Variants in LRRC4C observed in about 807,000 individuals in gnomAD.
LRRC4C encodes leucine rich repeat containing 4C, also known as leucine-rich repeat-containing protein 4C.
A neutral mutation model predicts 33.6 loss-of-function variants in LRRC4C; 5 were observed. That is an observed-to-expected ratio of 0.15 (90% confidence interval 0.08 to 0.31). LRRC4C has a LOEUF of 0.31. LRRC4C is among the 10% of genes least tolerant of loss of function. The pLI is 1.00. For synonymous variants in LRRC4C, 329 were observed against 302.0 expected, an observed-to-expected ratio of 1.09 and a Z score of -0.93; for missense variants, 560 against 796.7, an observed-to-expected ratio of 0.70 and a Z score of 3.58.
intron 3 of LRRC4C, among the ~76,000 whole-genome samples, chr11:40,598,634 C>G (rs1959630367): frequency 6.6e-6 from 1 of 152,172 alleles, no homozygotes. Flanking sequence ...CAACACATAC[C>G]TTAGGAAGCC....
At chr11:41,104,081 A>T (rs945647193) in intron 1 of LRRC4C, among the ~76,000 whole-genome samples, 1 of 151,962 alleles carries the variant, frequency 6.6e-6, no homozygotes, top group South Asian at 2.1e-4. Context: ...ACATGAGCAC[A>T]TAAAATATGA....
At position 40,334,965 on chromosome 11, in the gene LRRC4C, T is replaced by C. The variant is rs138045121; in HGVS notation, c.-269-15244A>G. Among the ~76,000 whole-genome samples the C allele has an allele frequency of 5.3e-5, 8 of 152,326 alleles. No individual in the cohort carries two copies. The East Asian group carries it at 1.5e-3, about 29-fold the overall frequency. On this transcript the variant is annotated intron_variant, in intron 3 of 6. Coordinates refer to ENST00000528697, the MANE Select transcript of LRRC4C (RefSeq NM_001258419.2). ...TACTCATTGGAAACTTTTGTTCAGT[T>C]AATTAATCAATATCTGATTGTCACA...
At chr11:41,376,249 T>G (rs1952932756) in intron 1 of LRRC4C, among the ~76,000 whole-genome samples, 1 of 152,152 alleles carries the variant, frequency 6.6e-6, no homozygotes, top group African/African-American at 2.4e-5. Flanking sequence ...CAAGGGAGTG[T>G]GCTGAATAAG....
chr11:40,814,383 C>T (rs946219805), intron 2 of LRRC4C, among the ~76,000 whole-genome samples: 6 of 152,044 alleles, frequency 3.9e-5, no homozygotes, highest in East Asian at 1.9e-4. Context: ...ATGGCTGGGA[C>T]GCAGGGCACC....
At chr11:40,682,285 C>T (rs1246693976) in intron 2 of LRRC4C, among the ~76,000 whole-genome samples, 2 of 146,390 alleles carry the variant, frequency 1.4e-5, no homozygotes, top group East Asian at 4.0e-4. Context: ...AAAAAAAAAG[C>T]ATAAAAGTAA....
At chr11:40,207,291 C>T (rs982787196) in intron 5 of LRRC4C, among the ~76,000 whole-genome samples, 4 of 152,084 alleles carry the variant, frequency 2.6e-5, no homozygotes, top group Non-Finnish European at 1.5e-5. Flanking sequence ...GTGAATCGGA[C>T]ACAATTGTGC....
At chr11:40,823,616 T>C (rs1338919911) in intron 2 of LRRC4C, among the ~76,000 whole-genome samples, 1 of 151,784 alleles carries the variant, frequency 6.6e-6, no homozygotes, top group East Asian at 1.9e-4. Context: ...CTTTTATCAT[T>C]AGAGAAATGC....
chr11:40,134,922 T>C (rs560639696), intron 6 of LRRC4C, among the ~76,000 whole-genome samples: 93 of 152,248 alleles, frequency 6.1e-4, no homozygotes, highest in African/African-American at 2.1e-3. Context: ...TTCACCAAAA[T>C]GACCCACAAA....
intron 1 of LRRC4C, among the ~76,000 whole-genome samples, chr11:41,202,471 C>G (rs1390314462): frequency 3.9e-5 from 6 of 152,144 alleles, no homozygotes; most frequent in African/African-American, 9.7e-5. Context: ...TGAGTATTCT[C>G]TATATATCAG....
intron 2 of LRRC4C, among the ~76,000 whole-genome samples, chr11:40,752,162 A>C (rs1948720414): frequency 6.6e-6 from 1 of 152,106 alleles, no homozygotes; most frequent in African/African-American, 2.4e-5. Context: ...TGAAGCAAAT[A>C]TAGCGAAAAC....
At chr11:40,790,987 A>C (rs546521559) in intron 2 of LRRC4C, among the ~76,000 whole-genome samples, 4 of 152,224 alleles carry the variant, frequency 2.6e-5, no homozygotes, top group Non-Finnish European at 5.9e-5. Context: ...ATTTAATCAG[A>C]GGTCTTCATT....
At chr11:41,005,315 C>T (rs531105444) in intron 1 of LRRC4C, among the ~76,000 whole-genome samples, 23 of 152,200 alleles carry the variant, frequency 1.5e-4, no homozygotes, top group South Asian at 4.2e-4. Context: ...AAAAAGGAGC[C>T]GCCCCTGGCT....
chr11:40,529,350 A>T (rs533560502), intron 3 of LRRC4C, among the ~76,000 whole-genome samples: 10 of 151,964 alleles, frequency 6.6e-5, no homozygotes, highest in East Asian at 5.8e-4. Context: ...ATCTTTTTTT[A>T]AAAAAAAGAA....
At chr11:40,583,074 C>G (rs376246352) in intron 3 of LRRC4C, among the ~76,000 whole-genome samples, 7 of 152,306 alleles carry the variant, frequency 4.6e-5, no homozygotes, top group African/African-American at 1.7e-4. Context: ...CTACCTAACT[C>G]TGTATTTATA....
chr11:41,235,233 T>G (rs1947967476), intron 1 of LRRC4C, among the ~76,000 whole-genome samples: 1 of 151,908 alleles, frequency 6.6e-6, no homozygotes, highest in Admixed American at 6.6e-5. Context: ...AAAAGAGAAA[T>G]ACATTGGCAA....
At chr11:41,380,466 A>C (rs1953101304) in intron 1 of LRRC4C, among the ~76,000 whole-genome samples, 1 of 152,170 alleles carries the variant, frequency 6.6e-6, no homozygotes, top group Non-Finnish European at 1.5e-5. Context: ...AAATAGACTC[A>C]AAGGATTGAG....
intron 2 of LRRC4C, among the ~76,000 whole-genome samples, chr11:40,690,790 C>T (rs534994557): frequency 1.1e-4 from 16 of 151,990 alleles, no homozygotes; most frequent in Non-Finnish European, 2.1e-4. Context: ...GGAGAGGAAA[C>T]ACGCAGAGTT....
At chr11:41,361,057 CT>C (rs1462326059) in intron 1 of LRRC4C, among the ~76,000 whole-genome samples, 7 of 152,162 alleles carry the variant, frequency 4.6e-5, no homozygotes, top group Admixed American at 3.3e-4. Context: ...AATTTAGAAA[CT>C]TTAATTACCA....
chr11:40,875,182 C>A (rs1288119382), intron 2 of LRRC4C, among the ~76,000 whole-genome samples: 2 of 152,052 alleles, frequency 1.3e-5, no homozygotes, highest in African/African-American at 2.4e-5. Flanking sequence ...AGAAATATTT[C>A]CAAGATTATA....
Sources: allele counts gnomAD v4.1 joint callset (sites outside exome capture counted in the v4.1 genomes callset), GRCh38; gene constraint gnomAD v4.1.1; transcripts MANE v1.5; gene names NCBI Gene and HGNC (gene_info 2026-07-23, HGNC 2026-07-21).